SAMD12: variants seen among roughly 807,000 people sequenced by gnomAD.
SAMD12 encodes sterile alpha motif domain containing 12, also known as sterile alpha motif domain-containing protein 12.
In SAMD12, 9 loss-of-function variants were observed where a neutral mutation model predicts 15.0. The ratio of observed to expected loss-of-function variants is 0.60; its 90% CI spans 0.36 to 1.05. SAMD12 has a LOEUF of 1.05. Ranked by LOEUF, SAMD12 falls within the 50% of genes least tolerant of loss-of-function variation. SAMD12 has a pLI of 0.01. For synonymous variants in SAMD12, 86 were observed against 90.1 expected (o/e 0.96, Z 0.25); for missense variants, 230 against 234.2 (o/e 0.98, Z 0.12).
the SAMD12 span, among the ~76,000 whole-genome samples, chr8:118,166,545 C>T: frequency 6.6e-6 from 1 of 152,102 alleles, no homozygotes; most frequent in African/African-American, 2.4e-5. Context: ...TTTAAAAGAG[C>T]CTTTCATCCA....
chr8:118,537,827 T>G (rs1420380044), intron 2 of SAMD12, among the ~76,000 whole-genome samples: 3 of 152,220 alleles, frequency 2.0e-5, no homozygotes, highest in Non-Finnish European at 4.4e-5. Context: ...GTCCTTTTGT[T>G]GAGGTAATGT....
chr8:118,533,010 A>G (rs1261368910), intron 2 of SAMD12, among the ~76,000 whole-genome samples: 2 of 151,860 alleles, frequency 1.3e-5, no homozygotes, highest in Non-Finnish European at 2.9e-5. Context: ...TTGTTTCTCT[A>G]GTTCTTTTAA....
intron 1 of SAMD12, among the ~76,000 whole-genome samples, chr8:118,582,005 C>T (rs768294737): frequency 6.6e-6 from 1 of 152,096 alleles, no homozygotes; most frequent in Non-Finnish European, 1.5e-5. Flanking sequence ...AGCCAGCTTC[C>T]GTGACTCAAA....
downstream of SAMD12, among the ~76,000 whole-genome samples, chr8:118,373,846 A>G (rs546938987): frequency 5.9e-5 from 9 of 152,266 alleles, no homozygotes; most frequent in Non-Finnish European, 7.4e-5. Flanking sequence ...GAAAGTCACT[A>G]AAAGGGACAC....
intron 2 of SAMD12, among the ~76,000 whole-genome samples, chr8:118,545,883 T>G (rs977895121): frequency 6.6e-6 from 1 of 152,136 alleles, no homozygotes; most frequent in African/African-American, 2.4e-5. Context: ...ATTCCCTGAG[T>G]TACATAGCTA....
intron 2 of SAMD12, among the ~76,000 whole-genome samples, chr8:118,464,384 G>T (rs1350779246): frequency 2.6e-5 from 4 of 152,162 alleles, no homozygotes; most frequent in African/African-American, 9.7e-5. Flanking sequence ...AACCACCAGA[G>T]AACACTTCAG....
intron 4 of SAMD12, among the ~76,000 whole-genome samples, chr8:118,272,354 G>T (rs1343161956): frequency 2.0e-5 from 3 of 152,186 alleles, no homozygotes; most frequent in Non-Finnish European, 4.4e-5. Context: ...AGCAGTGGGG[G>T]CCTTGAGCCT....
intron 2 of SAMD12, among the ~76,000 whole-genome samples, chr8:118,493,681 G>T (rs1234060298): frequency 6.6e-6 from 1 of 152,144 alleles, no homozygotes; most frequent in African/African-American, 2.4e-5. Flanking sequence ...ACAAAATTGT[G>T]AATTGCTTTC....
chr8:118,400,830 A>T (rs969034690), intron 3 of SAMD12, among the ~76,000 whole-genome samples: 2 of 152,210 alleles, frequency 1.3e-5, no homozygotes. Context: ...TCCAATGAAT[A>T]CTGATCAGCC....
chr8:118,358,704 C>A (rs2130628138), intron 4 of SAMD12, among the ~76,000 whole-genome samples: 1 of 152,186 alleles, frequency 6.6e-6, no homozygotes, highest in South Asian at 2.1e-4. Context: ...AAGCAATCAC[C>A]AGATGACAAA....
chr8:118,539,923 T>A (rs1028847225), intron 2 of SAMD12, among the ~76,000 whole-genome samples: 2 of 150,650 alleles, frequency 1.3e-5, no homozygotes, highest in Non-Finnish European at 3.0e-5. Flanking sequence ...CTGGTTGAGA[T>A]GATGCATTTA....
chr8:118,238,230 A>T (rs1812478803), intron 4 of SAMD12, among the ~76,000 whole-genome samples: 1 of 152,074 alleles, frequency 6.6e-6, no homozygotes. Context: ...ACATTTTACC[A>T]GTGTTTGGCA....
chr8:118,330,824 A>G (rs1816772844), intron 4 of SAMD12, among the ~76,000 whole-genome samples: 1 of 152,178 alleles, frequency 6.6e-6, no homozygotes, highest in Non-Finnish European at 1.5e-5. Context: ...ATCATGAGAA[A>G]TATGAAGGGG....
chr8:118,562,981 C>T (rs564737963), intron 2 of SAMD12, among the ~76,000 whole-genome samples: 12 of 152,230 alleles, frequency 7.9e-5, no homozygotes, highest in African/African-American at 2.2e-4. Flanking sequence ...TCTTATAAAT[C>T]GCTATATTTG....
intron 3 of SAMD12, among the ~76,000 whole-genome samples, chr8:118,385,873 G>C (rs1819926887): frequency 6.6e-6 from 1 of 152,186 alleles, no homozygotes; most frequent in Non-Finnish European, 1.5e-5. Flanking sequence ...GTTAAAACAA[G>C]AAGAAGAAAC....
chr8:118,387,178 A>G (rs1468202583), intron 3 of SAMD12, among the ~76,000 whole-genome samples: 3 of 152,176 alleles, frequency 2.0e-5, no homozygotes, highest in Non-Finnish European at 4.4e-5. Context: ...CATTACTCCA[A>G]AATTGGAATT....
At chr8:118,236,587 G>C (rs191821909) in intron 4 of SAMD12, among the ~76,000 whole-genome samples, 1 of 152,168 alleles carries the variant, frequency 6.6e-6, no homozygotes, top group Non-Finnish European at 1.5e-5. Context: ...AAAAAACCTC[G>C]CCTGGGCTGG....
rs567414848 is a variant in SAMD12, at chr8:118,422,936, G to A, written c.322+16896C>T. On this transcript the variant is annotated intron_variant, in intron 3 of 3. Transcript: ENST00000314727. ...TAGGCAAGGAGAAGACCACAGTTAG[G>A]TCACTGGCCTTGGGAAAGGGAACAT... is the stretch of plus-strand genomic sequence containing the variant. Among the ~76,000 whole-genome samples, 5 of 152,296 alleles carry A rather than the reference G, an allele frequency of 3.3e-5. No homozygotes were observed. In the South Asian group the frequency reaches 1.0e-3, roughly 32 times the overall value.
chr8:118,223,879 C>T (rs1382015202), intron 4 of SAMD12, among the ~76,000 whole-genome samples: 6 of 152,178 alleles, frequency 3.9e-5, no homozygotes, highest in African/African-American at 1.4e-4. Context: ...TTTAGTGAAT[C>T]ACCAGGTGGC....
Sources: gnomAD v4.1 joint callset for allele counts (sites outside exome capture counted in the v4.1 genomes callset) on GRCh38, gnomAD v4.1.1 for gene constraint, MANE v1.5 for transcripts, NCBI Gene and HGNC (gene_info 2026-07-23, HGNC 2026-07-21) for gene names.